TDRD3: variants seen among roughly 807,000 people sequenced by gnomAD.
TDRD3 encodes the protein tudor domain containing 3.
TDRD3 carries 45 observed loss-of-function variants against 86.7 expected under a neutral mutation model. The ratio of observed to expected loss-of-function variants is 0.52; its 90% CI spans 0.41 to 0.67. The LOEUF (loss-of-function observed/expected upper bound fraction) is 0.67. Among genes scored for constraint, TDRD3 ranks in the 30% least tolerant of loss-of-function variants. TDRD3 has a pLI of 0.00. For missense variants in TDRD3, 814 were observed against 889.0 expected (o/e 0.92, Z 1.07); for synonymous variants, 298 against 301.7 (o/e 0.99, Z 0.13).
At chr13:60,446,989 A>G (rs1955416474) in intron 3 of TDRD3, among the ~76,000 whole-genome samples, 1 of 152,236 alleles carries the variant, frequency 6.6e-6, no homozygotes, top group African/African-American at 2.4e-5. Flanking sequence ...CATAAGATAC[A>G]GGACAACAGT....
chr13:60,502,012 C>A (rs1269684907), intron 8 of TDRD3, among the ~76,000 whole-genome samples: 3 of 152,206 alleles, frequency 2.0e-5, no homozygotes, highest in Admixed American at 6.5e-5. Context: ...TATAACCCTA[C>A]TGCAAATAGT....
chr13:60,521,790 A>G (rs1348688955), intron 10 of TDRD3, among the ~76,000 whole-genome samples: 2 of 152,100 alleles, frequency 1.3e-5, no homozygotes, highest in Admixed American at 6.5e-5. Context: ...CCAGCCACTC[A>G]GGAGGCTGAG....
chr13:60,455,534 G>T (rs1443416401), intron 3 of TDRD3, among the ~76,000 whole-genome samples: 1 of 152,072 alleles, frequency 6.6e-6, no homozygotes, highest in African/African-American at 2.4e-5. Context: ...GTAGTGATGG[G>T]GTAGAGAAGG....
At chr13:60,444,514 T>C (rs1323427861) in intron 2 of TDRD3, among the ~76,000 whole-genome samples, 169 bp from the exon 3 acceptor site, 2 of 151,994 alleles carry the variant, frequency 1.3e-5, no homozygotes, top group African/African-American at 2.4e-5. Context: ...AAACAACGTA[T>C]TATGGGACAC....
At chr13:60,452,499 A>C (rs116814942) in intron 3 of TDRD3, among the ~76,000 whole-genome samples, 1 of 151,890 alleles carries the variant, frequency 6.6e-6, no homozygotes, top group South Asian at 2.1e-4. Flanking sequence ...TATTCTTTTG[A>C]GTTTTCTCTA....
chr13:60,570,998 CCT>C (rs1204389385), intron 13 of TDRD3, among the ~76,000 whole-genome samples: 3 of 152,020 alleles, frequency 2.0e-5, no homozygotes, highest in African/African-American at 7.3e-5. Flanking sequence ...TTCTATGTTC[CCT>C]GAGTTAAAAC....
chr13:60,475,920 T>G (rs1956176679), intron 5 of TDRD3, among the ~76,000 whole-genome samples: 1 of 152,226 alleles, frequency 6.6e-6, no homozygotes, highest in African/African-American at 2.4e-5. Flanking sequence ...TTTAAATTCC[T>G]TATAGATTCG....
chr13:60,446,728 C>CCAGA lies in TDRD3; in HGVS notation c.192+1981_192+1984dup, dbSNP rs536456540. Among the ~76,000 whole-genome samples the CCAGA allele has an allele frequency of 2.6e-3, 391 of 152,126 alleles. 4 individuals are homozygous for CCAGA. Among genetic ancestry groups the CCAGA allele is most frequent in the African/African-American group, 8.6e-3 (358 of 41,498 alleles). ...TATATAAAAATGTAACTATCTTAAA[C>CCAGA]CAGAGTACATATTCAAGGAATATAT... On this transcript the variant is annotated intron_variant, in intron 3 of 13. Coordinates refer to ENST00000377881, the MANE Select transcript of TDRD3 (RefSeq NM_001146070.2).
Position 60,529,159 on chromosome 13 carries a change from A to G in TDRD3, c.1934A>G (p.Tyr645Cys), listed in dbSNP as rs1170701345. Reference protein sequence around the residue: ...KILESSIPMEYAKMWKPGDEC... With the variant: ...KILESSIPMECAKMWKPGDEC... The stretch of plus-strand genomic sequence containing the variant: ...CTAGAATCATCTATTCCTATGGAGT[A>G]TGCAAAAATGTGGAAACCTGGAGAT... The change falls in exon 11 of 14, where the codon TAT (tyrosine) becomes TGT (cysteine). Residue 645 changes from tyrosine (Y) to cysteine (C), a missense_variant. Coordinates refer to ENST00000377881, the MANE Select transcript of TDRD3 (RefSeq NM_001146070.2). The G allele has an allele frequency of 1.2e-6, 2 of 1,609,966 alleles. No individual in the cohort carries two copies. Among genetic ancestry groups the G allele is most frequent in the Non-Finnish European group, 1.7e-6 (2 of 1,178,692 alleles).
chr13:60,442,335 T>C (rs948172368), intron 2 of TDRD3, among the ~76,000 whole-genome samples: 2 of 152,050 alleles, frequency 1.3e-5, no homozygotes, highest in African/African-American at 4.8e-5. Flanking sequence ...ACCAAGTAGA[T>C]ATTATCTTGC....
intron 1 of TDRD3, among the ~76,000 whole-genome samples, chr13:60,416,888 C>G (rs368032575): frequency 3.3e-5 from 5 of 152,058 alleles, no homozygotes; most frequent in African/African-American, 1.2e-4. Context: ...TCTCATCATT[C>G]GTTGTCTTTT....
chr13:60,566,242 T>C (rs1958456508), intron 12 of TDRD3, among the ~76,000 whole-genome samples: 1 of 151,876 alleles, frequency 6.6e-6, no homozygotes, highest in South Asian at 2.1e-4. Flanking sequence ...GTATTCTTTA[T>C]ATAAAGTGGA....
intron 5 of TDRD3, among the ~76,000 whole-genome samples, chr13:60,482,756 C>T (rs1311307170): frequency 3.3e-5 from 5 of 151,754 alleles, no homozygotes; most frequent in Non-Finnish European, 1.5e-5. Flanking sequence ...ACTGTCGTTA[C>T]TCTTAATTAT....
At chr13:60,415,780 A>G (rs1430161399) in intron 1 of TDRD3, among the ~76,000 whole-genome samples, 1 of 152,180 alleles carries the variant, frequency 6.6e-6, no homozygotes, top group African/African-American at 2.4e-5. Flanking sequence ...AGAGCCATGA[A>G]AAGATCAGAT....
intron 10 of TDRD3, among the ~76,000 whole-genome samples, chr13:60,517,401 A>G (rs1423971992): frequency 6.6e-6 from 1 of 152,214 alleles, no homozygotes; most frequent in African/African-American, 2.4e-5. Flanking sequence ...AGAATCATCT[A>G]TGTATTGACT....
chr13:60,548,238 C>G (rs1215398787), intron 12 of TDRD3, among the ~76,000 whole-genome samples: 2 of 152,088 alleles, frequency 1.3e-5, no homozygotes, highest in African/African-American at 4.8e-5. Flanking sequence ...AGTCCTAGCC[C>G]ACCCTCAGCC....
intron 1 of TDRD3, among the ~76,000 whole-genome samples, chr13:60,405,022 C>G (rs973799161): frequency 1.3e-5 from 2 of 152,360 alleles, no homozygotes; most frequent in East Asian, 1.9e-4. Context: ...TGGCTTGTCC[C>G]TCTTTGCCAT....
At position 60,444,681 on chromosome 13, in the gene TDRD3, A is replaced by C. The variant is rs2137981226; in HGVS notation, c.127-2A>C. ...ATTTTAATAATAATATTTTTATTTT[A>C]GACAGATCTGAGAACAATTGGCAAG... On this transcript the variant is annotated splice_acceptor_variant, in intron 2 of 13. Coordinates refer to ENST00000377881, the MANE Select transcript of TDRD3 (RefSeq NM_001146070.2). LOFTEE classifies it high-confidence loss of function. 7.1e-7 allele frequency: 1 copy of C among 1,404,714 alleles called. No homozygotes were observed. The highest frequency in any genetic ancestry group is 9.6e-7 in the Non-Finnish European group (1 of 1,042,394). 87.0% of individuals were successfully genotyped at this position (1,404,714 alleles called of 1,614,324 possible).
rs542383469 is a variant in TDRD3, at chr13:60,433,940, G to A, written c.42-5748G>A. The A allele has an allele frequency of 1.2e-4, 18 of 152,264 alleles. No individual in the cohort carries two copies. The South Asian group carries it at 2.9e-3, about 25-fold the overall frequency. The allele number at this position is 152,264 out of a possible 1,614,324, so 9.4% of individuals were successfully genotyped here. The stretch of plus-strand genomic sequence containing the variant: ...CTTTCCTTACTGATGGTAAAGGGTG[G>A]TAATGGAGATCTACTATCTGGAACA... On this transcript the variant is annotated intron_variant, in intron 1 of 13. Transcript: ENST00000377881.
Sources: allele counts gnomAD v4.1 joint callset (sites outside exome capture counted in the v4.1 genomes callset), GRCh38; gene constraint gnomAD v4.1.1; transcripts MANE v1.5; gene names NCBI Gene and HGNC (gene_info 2026-07-23, HGNC 2026-07-21).